Variants in FOXO1 observed in about 807,000 individuals in gnomAD.
FOXO1 encodes forkhead box protein O1.
In FOXO1, 6 loss-of-function variants were observed where a neutral mutation model predicts 44.1. The ratio of observed to expected loss-of-function variants is 0.14; its 90% CI spans 0.07 to 0.27. FOXO1 has a LOEUF of 0.27. Ranked by LOEUF, FOXO1 falls within the 10% of genes least tolerant of loss-of-function variation. The probability of loss-of-function intolerance (pLI) is 1.00; values close to 1 mark genes in which losing one functional copy is unlikely to be tolerated. For missense variants in FOXO1, 737 were observed against 888.8 expected (o/e 0.83, Z 2.17); for synonymous variants, 380 against 362.7 (o/e 1.05, Z -0.54).
rs1379018918 is a variant in FOXO1 at position 40,558,375 on chromosome 13, A to G, written c.*674T>C. The G allele has an allele frequency of 6.5e-6, 1 of 153,008 alleles. No individual in the cohort carries two copies. The highest frequency in any genetic ancestry group is 2.4e-5 in the African/African-American group (1 of 41,396). 9.5% of individuals were successfully genotyped at this position (153,008 alleles called of 1,614,324 possible). A position where few individuals can be genotyped will look rare whatever the true frequency, so the allele number is the denominator to read the frequency against. ...CAAATAACAAAATAAACAAAAAAAA[A>G]TAGAAAAGACCTGTACAAAGCTGGC... On this transcript the variant is annotated 3_prime_UTR_variant, in exon 3 of 3. Coordinates refer to ENST00000379561, the MANE Select transcript of FOXO1 (RefSeq NM_002015.4).
intron 1 of FOXO1, among the ~76,000 whole-genome samples, chr13:40,594,177 A>G (rs1009514259): frequency 6.6e-6 from 1 of 152,176 alleles, no homozygotes; most frequent in Non-Finnish European, 1.5e-5. Context: ...GACTCCTTGA[A>G]CACAGCATCT....
chr13:40,629,902 G>A (rs1876905727), intron 1 of FOXO1, among the ~76,000 whole-genome samples: 2 of 152,210 alleles, frequency 1.3e-5, no homozygotes, highest in Admixed American at 6.5e-5. Flanking sequence ...ATATGTGCTA[G>A]TAAAGTGAGC....
chr13:40,604,594 G>A (rs1406731177), intron 1 of FOXO1, among the ~76,000 whole-genome samples: 2 of 152,026 alleles, frequency 1.3e-5, no homozygotes. Flanking sequence ...CTATACTACA[G>A]AGAACTAACT....
At chr13:40,656,752 C>T (rs1223839698) in intron 1 of FOXO1, among the ~76,000 whole-genome samples, 4 of 152,176 alleles carry the variant, frequency 2.6e-5, no homozygotes, top group Admixed American at 6.5e-5. Flanking sequence ...GTCCATAACA[C>T]AGCATTATTT....
At chr13:40,658,400 C>A (rs1429743253) in intron 1 of FOXO1, among the ~76,000 whole-genome samples, 1 of 152,166 alleles carries the variant, frequency 6.6e-6, no homozygotes, top group Non-Finnish European at 1.5e-5. Flanking sequence ...ACTAACTAGA[C>A]CATTAACCCA....
chr13:40,584,442 G>A (rs1435806603), intron 1 of FOXO1, among the ~76,000 whole-genome samples: 1 of 113,616 alleles, frequency 8.8e-6, no homozygotes, highest in African/African-American at 3.5e-5. Context: ...TGGGCAACAT[G>A]GAGAAATTCT....
intron 1 of FOXO1, among the ~76,000 whole-genome samples, chr13:40,660,193 G>C (rs964776749): frequency 2.0e-5 from 3 of 152,196 alleles, no homozygotes; most frequent in African/African-American, 7.2e-5. Context: ...GCAAGTCTCT[G>C]CAAGTTGTTG....
intron 1 of FOXO1, among the ~76,000 whole-genome samples, chr13:40,627,156 C>G (rs1258640983): frequency 6.6e-6 from 1 of 152,210 alleles, no homozygotes; most frequent in Non-Finnish European, 1.5e-5. Flanking sequence ...CCAACCACGG[C>G]TTCCACCAAC....
rs761714739 is a variant in FOXO1 at position 40,559,547 on chromosome 13, C to T, written c.1944G>A (p.Thr648=). 6 of 1,605,132 alleles carry T rather than the reference C, an allele frequency of 3.7e-6. No homozygotes were observed. Among genetic ancestry groups the T allele is most frequent in the African/African-American group, 2.7e-5 (2 of 74,838 alleles). The change falls in exon 2 of 3, where the codon ACG becomes ACA. Residue 648 remains threonine (T), a synonymous_variant. Coordinates refer to ENST00000379561, the MANE Select transcript of FOXO1 (RefSeq NM_002015.4). ...CTCAGCCTGACACCCAGCTATGTGT[C>T]GTTGTCTTGACACTGTGTGGGAAGC... ...NQSFPHSVKT[T]THSWVSG is the part of the protein sequence containing the mutation.
At position 40,661,107 on chromosome 13, in the gene FOXO1, T is replaced by C. The variant is rs532484589; in HGVS notation, c.630+4476A>G. Among the ~76,000 whole-genome samples, 5 of 152,316 alleles carry C rather than the reference T, an allele frequency of 3.3e-5. No homozygotes were observed. The East Asian group carries it at 9.6e-4, about 29-fold the overall frequency. On this transcript the variant is annotated intron_variant, in intron 1 of 2. Transcript: ENST00000379561. ...GGAGTCTGAAATGAAGTATTCCAAT[T>C]TGGCATCTATTTTGGAATTTCTGAA...
chr13:40,593,475 C>A (rs1875464077), intron 1 of FOXO1, among the ~76,000 whole-genome samples: 1 of 152,176 alleles, frequency 6.6e-6, no homozygotes, highest in Admixed American at 6.5e-5. Context: ...TCACTGTCTT[C>A]TTCCTAGGTA....
intron 1 of FOXO1, chr13:40,620,217 C>T: frequency 6.4e-7 from 1 of 1,566,856 alleles, no homozygotes; most frequent in East Asian, 2.2e-5. Context: ...ATCCAACAAT[C>T]ACACTGGACC....
intron 1 of FOXO1, among the ~76,000 whole-genome samples, chr13:40,579,431 A>G (rs1293056470): frequency 6.6e-6 from 1 of 152,222 alleles, no homozygotes; most frequent in East Asian, 1.9e-4. Context: ...AACAGTCAAC[A>G]TCATCTTCAG....
chr13:40,605,230 A>T (rs1875952370), intron 1 of FOXO1, among the ~76,000 whole-genome samples: 1 of 152,194 alleles, frequency 6.6e-6, no homozygotes, highest in Non-Finnish European at 1.5e-5. Flanking sequence ...ATGTTTATAG[A>T]AGTAAATAAA....
intron 1 of FOXO1, among the ~76,000 whole-genome samples, chr13:40,620,799 C>CTTTTTTTTTTTTTTTTTTTT (rs111991105): frequency 8.2e-6 from 1 of 121,232 alleles, no homozygotes; most frequent in Non-Finnish European, 1.7e-5. Context: ...CTTCCCCTTG[C>CTTTTTTTTTTTTTTTTTTTT]TTTTTTTTTT....
chr13:40,626,860 G>A (rs1468500582), intron 1 of FOXO1, among the ~76,000 whole-genome samples: 1 of 152,096 alleles, frequency 6.6e-6, no homozygotes, highest in African/African-American at 2.4e-5. Context: ...TGACTTTATT[G>A]GCAACTGCCC....
intron 1 of FOXO1, among the ~76,000 whole-genome samples, chr13:40,589,642 T>C (rs1875296282): frequency 6.6e-6 from 1 of 152,376 alleles, no homozygotes; most frequent in Admixed American, 6.5e-5. Context: ...TGCTGCCTCC[T>C]AAATTAATCA....
chr13:40,567,965 C>T (rs1874336462), intron 1 of FOXO1, among the ~76,000 whole-genome samples: 1 of 148,704 alleles, frequency 6.7e-6, no homozygotes, highest in Admixed American at 6.7e-5. Flanking sequence ...AAGACTCCGT[C>T]TTAAAAAAAA....
chr13:40,625,261 C>T (rs1480357893), intron 1 of FOXO1, among the ~76,000 whole-genome samples: 2 of 152,194 alleles, frequency 1.3e-5, no homozygotes, highest in East Asian at 1.9e-4. Flanking sequence ...TAGAATATGA[C>T]ATGCACAAAT....
Sources: gnomAD v4.1 joint callset for allele counts (sites outside exome capture counted in the v4.1 genomes callset) on GRCh38, gnomAD v4.1.1 for gene constraint, MANE v1.5 for transcripts, NCBI Gene and HGNC (gene_info 2026-07-23, HGNC 2026-07-21) for gene names.